The following SUZ12 variants were observed in gnomAD, a reference collection of about 807,000 sequenced individuals.
SUZ12 encodes polycomb protein SUZ12.
Under a neutral mutation model 87.3 loss-of-function variants are expected in SUZ12, and 17 were observed. That is an observed-to-expected ratio of 0.19 (90% CI 0.13 to 0.29). The LOEUF is 0.29. Among genes scored for constraint, SUZ12 ranks in the 10% least tolerant of loss-of-function variants. The pLI, the probability that SUZ12 is intolerant of heterozygous loss-of-function variation, is 1.00. For missense variants in SUZ12, 526 were observed against 912.2 expected, an observed-to-expected ratio of 0.58 and a Z score of 5.45; for synonymous variants, 253 against 312.4, an observed-to-expected ratio of 0.81 and a Z score of 2.01.
chr17:31,961,241 G>A (rs577649684), intron 4 of SUZ12, among the ~76,000 whole-genome samples: 2 of 150,812 alleles, frequency 1.3e-5, no homozygotes, highest in East Asian at 3.9e-4. Context: ...TTCTCACAAA[G>A]AAACACTAGT....
At chr17:31,995,182 G>A (rs1380686433) in intron 13 of SUZ12, among the ~76,000 whole-genome samples, 1 of 151,198 alleles carries the variant, frequency 6.6e-6, no homozygotes, top group Non-Finnish European at 1.5e-5. Flanking sequence ...GCAGGTGTAT[G>A]CATATGTAAC....
In SUZ12 at chr17:31,945,047, G is replaced by A. The variant is rs574986150; in HGVS notation, c.387-2570G>A. 4.7e-5 allele frequency among the ~76,000 whole-genome samples: 6 copies of A among 127,416 alleles called. No individual in the cohort carries two copies. In the East Asian group the frequency reaches 1.3e-3, roughly 28 times the overall value. 83.6% of individuals were successfully genotyped at this position (127,416 alleles called of 152,430 possible). A position where few individuals can be genotyped will look rare whatever the true frequency, so the allele number is the denominator to read the frequency against. On this transcript the variant is annotated intron_variant, in intron 3 of 15. Coordinates refer to ENST00000322652, the MANE Select transcript of SUZ12 (RefSeq NM_015355.4). The stretch of plus-strand genomic sequence containing the variant: ...GGTGCACTCTAGCCTGGGCAGTAGA[G>A]GGAGATGGTGTCTCAAAAAAAAAAA...
rs545321608 is a variant in SUZ12, at chr17:31,986,851, T to C, written c.1024-1469T>C. On this transcript the variant is annotated intron_variant, in intron 9 of 15. Transcript: ENST00000322652. ...AGGCGTGTGCCATTGCGCCCGGTCC[T>C]CTAATCTAAATAGTTTTAAGAGGAT... Among the ~76,000 whole-genome samples, 12 of 152,330 alleles carry C rather than the reference T, an allele frequency of 7.9e-5. No homozygotes were observed. In the East Asian group the frequency reaches 2.1e-3, roughly 27 times the overall value.
chr17:31,973,199 C>T lies in SUZ12; in HGVS notation c.559C>T (p.Leu187=), dbSNP rs1908537923. Reference sequence around the variant, plus strand: ...ACAAAATTCTGTTACCCTGGAAGTCCTGCTTGTGAAAGTTTGCCACAAAAA... The same window carrying T: ...ACAAAATTCTGTTACCCTGGAAGTCTTGCTTGTGAAAGTTTGCCACAAAAA... ...NEQNSVTLEV[L]LVKVCHKKRK... The change falls in exon 6 of 16, where the codon CTG becomes TTG. Residue 187 remains leucine, a synonymous_variant. Transcript: ENST00000322652. The T allele has an allele frequency of 6.4e-7, 1 of 1,558,718 alleles. No homozygotes were observed. Among genetic ancestry groups the T allele is most frequent in the South Asian group, 1.2e-5 (1 of 81,762 alleles).
intron 8 of SUZ12, among the ~76,000 whole-genome samples, chr17:31,981,004 C>G (rs1251848994): frequency 3.3e-5 from 5 of 151,588 alleles, no homozygotes; most frequent in African/African-American, 1.2e-4. Flanking sequence ...TGCACTCTAG[C>G]CTGGGTGACA....
chr17:31,954,480 G>A (rs948424152), intron 4 of SUZ12, among the ~76,000 whole-genome samples: 1 of 151,966 alleles, frequency 6.6e-6, no homozygotes, highest in African/African-American at 2.4e-5. Context: ...TTGGGGGCGC[G>A]TTTCATTTAT....
chr17:31,937,406 G>C lies in SUZ12; in HGVS notation c.160G>C (p.Ala54Pro). Reference sequence around the variant, plus strand: ...CTGTGGAGGGGGTGGCAGTTACTCGGCCTCCTCCTCCTCCTCCGCGGCGGC... The same window carrying C: ...CTGTGGAGGGGGTGGCAGTTACTCGCCCTCCTCCTCCTCCTCCGCGGCGGC... Reference protein sequence around the residue: ...GSCGGGGSYSASSSSSAAAAA... With the variant: ...GSCGGGGSYSPSSSSSAAAAA... Residue 54 changes from alanine (A) to proline (P), a missense_variant, in exon 1 of 16, where the codon GCC becomes CCC. Around this residue, in one of 9 missense-constraint regions of SUZ12, gnomAD observed 92 missense variants for 109.9 expected, o/e 0.84. Transcript: ENST00000322652. The C allele has an allele frequency of 6.5e-7, 1 of 1,539,788 alleles. No individual in the cohort carries two copies. Among genetic ancestry groups the C allele is most frequent in the South Asian group, 1.2e-5 (1 of 83,462 alleles).
At chr17:31,948,804 G>T (rs2142130674) in intron 4 of SUZ12, among the ~76,000 whole-genome samples, 1 of 152,288 alleles carries the variant, frequency 6.6e-6, no homozygotes, top group South Asian at 2.1e-4. Context: ...CTGAGATCCT[G>T]AATTGTTACC....
intron 7 of SUZ12, 55 bp from the exon 8 acceptor site, chr17:31,976,461 TATATC>T (rs147986570): frequency 0.13 from 180,020 of 1,375,332 alleles, 12,531 homozygotes; most frequent in Middle Eastern, 0.18. Flanking sequence ...TAAGGGACCA[TATATC>T]ATAACACATT....
chr17:31,964,346 TACTTTTCTAGAAC>T (rs1474425805), intron 4 of SUZ12, among the ~76,000 whole-genome samples: 1 of 123,228 alleles, frequency 8.1e-6, no homozygotes, highest in African/African-American at 6.0e-5. Context: ...TTCTAGAACA[TACTTTTCTAGAAC>T]ATACTTTCTG....
intron 1 of SUZ12, among the ~76,000 whole-genome samples, chr17:31,938,166 T>C (rs1220754205): frequency 3.3e-5 from 5 of 152,232 alleles, no homozygotes; most frequent in Non-Finnish European, 7.3e-5. Flanking sequence ...TGCGTCAATT[T>C]CTGTTTCTAA....
intron 8 of SUZ12, among the ~76,000 whole-genome samples, chr17:31,981,400 T>C (rs1909094468): frequency 6.6e-6 from 1 of 152,150 alleles, no homozygotes; most frequent in Non-Finnish European, 1.5e-5. Flanking sequence ...ACTTATCAGA[T>C]TGACAGAGAC....
In SUZ12 at chr17:31,960,581, A is replaced by ATTAT. The variant is rs571205122; in HGVS notation, c.456-5551_456-5548dup. Among the ~76,000 whole-genome samples, 174 of 148,604 alleles carry ATTAT rather than the reference A, an allele frequency of 1.2e-3. 1 individual carries two copies. Among genetic ancestry groups the ATTAT allele is most frequent in the Middle Eastern group, 3.7e-3 (1 of 270 alleles). On this transcript the variant is annotated intron_variant, in intron 4 of 15. Transcript: ENST00000322652. ...CACATTCCCAATGTCACCTTTATTT[A>ATTAT]TTATTTATTTATTTATTTTTGAGAC...
intron 4 of SUZ12, among the ~76,000 whole-genome samples, chr17:31,960,868 G>A (rs138823951): frequency 4.2e-4 from 64 of 152,236 alleles, no homozygotes; most frequent in South Asian, 2.1e-3. Flanking sequence ...GTGAGTCACC[G>A]TGCCTGGCCC....
At chr17:31,944,789 T>G (rs1444801621) in intron 3 of SUZ12, among the ~76,000 whole-genome samples, 1 of 152,138 alleles carries the variant, frequency 6.6e-6, no homozygotes, top group Admixed American at 6.5e-5. Context: ...TGAATGCAAG[T>G]TTTTTGTCCT....
chr17:31,950,510 C>T (rs1010965289), intron 4 of SUZ12, among the ~76,000 whole-genome samples: 1 of 151,860 alleles, frequency 6.6e-6, no homozygotes, highest in African/African-American at 2.4e-5. Context: ...AGGGGAAAAC[C>T]CTTTCTCTAC....
chr17:31,995,882 C>T (rs1156642416), intron 14 of SUZ12, 120 bp downstream of exon 14: 18 of 763,364 alleles, frequency 2.4e-5, no homozygotes, highest in South Asian at 2.1e-4. Context: ...AAAAGGAATC[C>T]GGAAATGTAC....
In SUZ12 at chr17:31,993,944, G is replaced by A. The variant is rs371166327; in HGVS notation, c.1373G>A (p.Arg458His). The change falls in exon 12 of 16, where the codon CGC becomes CAC. Residue 458 changes from arginine (R) to histidine (H), a missense_variant. By Grantham distance (29) the Arg-to-His change is conservative. This residue lies in a region of SUZ12 where 143 missense variants were observed against 321.6 expected (regional missense o/e 0.44). Transcript: ENST00000322652. Reference protein sequence around the residue: ...LHCPWCTLNCRKLYSLLKHLK... With the variant: ...LHCPWCTLNCHKLYSLLKHLK... ...TGCCCTTGGTGTACTCTGAACTGCC[G>A]CAAACTTTATAGTTTACTCAAGCAT... 3.7e-6 allele frequency: 6 copies of A among 1,613,440 alleles called. No individual in the cohort carries two copies. Among genetic ancestry groups the A allele is most frequent in the Non-Finnish European group, 5.1e-6 (6 of 1,179,864 alleles).
intron 6 of SUZ12, among the ~76,000 whole-genome samples, chr17:31,974,271 A>AC (rs1908608586): frequency 1.3e-5 from 2 of 152,128 alleles, no homozygotes; most frequent in Non-Finnish European, 2.9e-5. Context: ...CTGGTGGCTC[A>AC]CGCCTGTAAT....
Sources: gnomAD v4.1 joint callset for allele counts (sites outside exome capture counted in the v4.1 genomes callset) on GRCh38, gnomAD v4.1.1 for gene constraint, gnomAD v4.1.1 regional missense constraint, MANE v1.5 for transcripts, NCBI Gene and HGNC (gene_info 2026-07-23, HGNC 2026-07-21) for gene names.